The following FAM83B variants were observed in gnomAD, a reference collection of about 807,000 sequenced individuals.
FAM83B encodes scaffolding CK1 anchoring protein B.
Under a neutral mutation model 38.8 loss-of-function variants are expected in FAM83B, and 26 were observed. The observed-to-expected ratio is 0.67, with a 90% CI of 0.49 to 0.93. The LOEUF (loss-of-function observed/expected upper bound fraction) is 0.93, where lower values mean the gene tolerates loss of function less well. Ranked by LOEUF, FAM83B falls within the 40% of genes least tolerant of loss-of-function variation. FAM83B has a pLI of 0.00. For synonymous variants in FAM83B, 419 were observed against 423.1 expected (o/e 0.99, Z 0.12); for missense variants, 1,237 against 1,197.3 (o/e 1.03, Z -0.49).
chr6:54,942,667 G>A lies in FAM83B; in HGVS notation c.*660G>A, dbSNP rs1773732427. On this transcript the variant is annotated 3_prime_UTR_variant, in exon 5 of 5. Transcript: ENST00000306858. ...TCAGCCTTTGAAAACGGTCTGGGATGTGCTTCTTTCTACACTGGACCCAGG... is the reference window on the plus strand; with the variant it reads ...TCAGCCTTTGAAAACGGTCTGGGATATGCTTCTTTCTACACTGGACCCAGG... Among the ~76,000 whole-genome samples, 1 of 146,964 alleles carries A rather than the reference G, an allele frequency of 6.8e-6. No individual in the cohort carries two copies. Among genetic ancestry groups the A allele is most frequent in the Admixed American group, 6.7e-5 (1 of 14,978 alleles).
intron 4 of FAM83B, among the ~76,000 whole-genome samples, chr6:54,936,625 T>C (rs1007658667): frequency 1.3e-5 from 2 of 151,476 alleles, no homozygotes; most frequent in Non-Finnish European, 2.9e-5. Flanking sequence ...GCTCCAGCTA[T>C]ATATAGTATG....
intron 2 of FAM83B, among the ~76,000 whole-genome samples, chr6:54,894,398 A>T (rs962154449): frequency 2.6e-5 from 4 of 152,074 alleles, no homozygotes; most frequent in African/African-American, 9.7e-5. Flanking sequence ...GTTTAGGATG[A>T]TAGTCTCATA....
chr6:54,941,097 G>A lies in FAM83B; in HGVS notation c.2126G>A (p.Ser709Asn). Residue 709 changes from serine to asparagine, a missense_variant, in exon 5 of 5, where the codon AGC becomes AAC. By Grantham distance (46) the Ser-to-Asn change is conservative. Coordinates refer to ENST00000306858, the MANE Select transcript of FAM83B (RefSeq NM_001010872.3). The stretch of plus-strand genomic sequence containing the variant: ...GAAGATTTGCTGAAAAGTTCTAAAA[G>A]CATGCACAATGTGACTCATAACTTG... ...PKEDLLKSSK[S>N]MHNVTHNLEE... The A allele has an allele frequency of 1.9e-6, 3 of 1,613,520 alleles. No individual in the cohort carries two copies. The highest frequency in any genetic ancestry group is 2.5e-6 in the Non-Finnish European group (3 of 1,179,890).
chr6:54,862,258 A>G (rs1469109828), intron 1 of FAM83B, among the ~76,000 whole-genome samples: 1 of 152,206 alleles, frequency 6.6e-6, no homozygotes. Context: ...TTGAGAGGCT[A>G]TAGATCTATT....
At chr6:54,898,438 C>T (rs1223971383) in intron 2 of FAM83B, among the ~76,000 whole-genome samples, 2 of 152,152 alleles carry the variant, frequency 1.3e-5, no homozygotes, top group Non-Finnish European at 2.9e-5. Flanking sequence ...TCATTTGTTA[C>T]TTGTTGAGAA....
chr6:54,900,890 T>A (rs1422611809), intron 2 of FAM83B, among the ~76,000 whole-genome samples: 1 of 152,230 alleles, frequency 6.6e-6, no homozygotes, highest in Non-Finnish European at 1.5e-5. Context: ...TATCCACATG[T>A]GTATCCAATA....
At chr6:54,888,829 T>C (rs767408987) in intron 2 of FAM83B, among the ~76,000 whole-genome samples, 6 of 152,050 alleles carry the variant, frequency 3.9e-5, no homozygotes, top group Non-Finnish European at 8.8e-5. Context: ...TCTCCTCAAA[T>C]ATTGCTTCTA....
intron 2 of FAM83B, among the ~76,000 whole-genome samples, chr6:54,915,812 C>CAAAAAAAAAAAAAAAAAA (rs58597609): frequency 5.5e-5 from 1 of 18,048 alleles, no homozygotes; most frequent in Non-Finnish European, 1.2e-4. Flanking sequence ...GACTCCGTCT[C>CAAAAAAAAAAAAAAAAAA]AAAAAAAAAA....
chr6:54,885,117 T>G (rs557200969), intron 2 of FAM83B, among the ~76,000 whole-genome samples: 35 of 152,172 alleles, frequency 2.3e-4, no homozygotes, highest in African/African-American at 7.9e-4. Flanking sequence ...CTCTAAATCT[T>G]TTGCTTTTCT....
Position 54,870,321 on chromosome 6 carries a change from GGAATGGTATC to G in FAM83B, c.78_87del (p.Trp27Ter). On this transcript the variant is annotated frameshift_variant, in exon 2 of 5. Transcript: ENST00000306858. LOFTEE classifies it high-confidence loss of function. The stretch of plus-strand genomic sequence containing the variant: ...ACAACTACATTGAGCCTCACTACAA[GGAATGGTATC>G]GAGTAGCCATTGATATTCTGATTGA... The G allele has an allele frequency of 6.2e-7, 1 of 1,613,956 alleles. No homozygotes were observed. The highest frequency in any genetic ancestry group is 8.5e-7 in the Non-Finnish European group (1 of 1,179,886).
At chr6:54,853,246 C>CA (rs1236573834) in intron 1 of FAM83B, among the ~76,000 whole-genome samples, 1 of 152,126 alleles carries the variant, frequency 6.6e-6, no homozygotes, top group Non-Finnish European at 1.5e-5. Flanking sequence ...AGCAAGTGCT[C>CA]ATGAAGAAGC....
intron 2 of FAM83B, among the ~76,000 whole-genome samples, chr6:54,878,496 A>T (rs1414444223): frequency 6.6e-6 from 1 of 152,180 alleles, no homozygotes; most frequent in Non-Finnish European, 1.5e-5. Context: ...ACAAAGTGAC[A>T]TTTCAGCCAA....
At position 54,939,813 on chromosome 6, in the gene FAM83B, G is replaced by C; in HGVS notation, c.842G>C (p.Cys281Ser). Residue 281 changes from cysteine (C) to serine (S), a missense_variant, in exon 5 of 5, where the codon TGT becomes TCT. Cys to Ser is a moderately radical substitution (Grantham distance 112). Transcript: ENST00000306858. ...TTTAGAACTCTCTATGCCAGATCCT[G>C]TGTCCCTAGTTCATTTGCTCAGGAA... ...EEFRTLYARS[C>S]VPSSFAQEES... is the part of the protein sequence containing the mutation. 1 of 1,613,978 alleles carries C rather than the reference G, an allele frequency of 6.2e-7. No individual in the cohort carries two copies. The highest frequency in any genetic ancestry group is 8.5e-7 in the Non-Finnish European group (1 of 1,179,956).
rs140201037 is a variant in FAM83B at position 54,862,215 on chromosome 6, G to T, written c.-60-7972G>T. ...GAAACTGACTCTTCTAGTGGCTAATGGGAACCTGGCCTGCCACAGAAGGCC... is the reference window on the plus strand; with the variant it reads ...GAAACTGACTCTTCTAGTGGCTAATTGGAACCTGGCCTGCCACAGAAGGCC... On this transcript the variant is annotated intron_variant, in intron 1 of 4. Transcript: ENST00000306858. Among the ~76,000 whole-genome samples, 350 of 152,300 alleles carry T rather than the reference G, an allele frequency of 2.3e-3. 2 individuals carry two copies. The highest frequency in any genetic ancestry group is 7.8e-3 in the African/African-American group (324 of 41,554).
intron 2 of FAM83B, among the ~76,000 whole-genome samples, chr6:54,922,527 T>C (rs1362053026): frequency 6.6e-6 from 1 of 152,062 alleles, no homozygotes; most frequent in East Asian, 1.9e-4. Context: ...TTTGACATTA[T>C]GAAAAGTATT....
intron 2 of FAM83B, among the ~76,000 whole-genome samples, chr6:54,915,764 C>CCACTGCAG (rs1383063007): frequency 7.4e-6 from 1 of 134,778 alleles, no homozygotes; most frequent in Non-Finnish European, 1.5e-5. Flanking sequence ...CGAGATTGCG[C>CCACTGCAG]CACTGCAGTC....
chr6:54,910,852 A>G (rs1772891294), intron 2 of FAM83B, among the ~76,000 whole-genome samples: 1 of 150,842 alleles, frequency 6.6e-6, no homozygotes, highest in Non-Finnish European at 1.5e-5. Flanking sequence ...TGCAGACTAC[A>G]TTCTTTATAC....
chr6:54,850,618 G>T (rs981791459), intron 1 of FAM83B, among the ~76,000 whole-genome samples: 1 of 152,106 alleles, frequency 6.6e-6, no homozygotes, highest in African/African-American at 2.4e-5. Context: ...TAAGATGTTT[G>T]GGCTGTCATT....
chr6:54,940,318 G>T lies in FAM83B; in HGVS notation c.1347G>T (p.Ala449=), dbSNP rs141100648. ...CCCAGAGTTTTGCCAATCGGCTTGC[G>T]CAGAGAAAAACAACAAATCTTGCAG... The part of the protein sequence containing the change: ...TPAQSFANRL[A]QRKTTNLADR... Residue 449 remains alanine, a synonymous_variant, in exon 5 of 5, where the codon GCG becomes GCT. Coordinates refer to ENST00000306858, the MANE Select transcript of FAM83B (RefSeq NM_001010872.3). 110 of 1,614,010 alleles carry T rather than the reference G, an allele frequency of 6.8e-5. 1 individual carries two copies. Among genetic ancestry groups the T allele is most frequent in the South Asian group, 6.1e-4 (56 of 91,084 alleles).
Sources: gnomAD v4.1 joint callset for allele counts (sites outside exome capture counted in the v4.1 genomes callset) on GRCh38, gnomAD v4.1.1 for gene constraint, MANE v1.5 for transcripts, NCBI Gene and HGNC (gene_info 2026-07-23, HGNC 2026-07-21) for gene names.